The following TRIM50 variants were observed in gnomAD, a reference collection of about 807,000 sequenced individuals.
The protein encoded by TRIM50 is E3 ubiquitin-protein ligase TRIM50.
Under a neutral mutation model 44.9 loss-of-function variants are expected in TRIM50, and 34 were observed. That is an observed-to-expected ratio of 0.76 (90% confidence interval 0.58 to 1.01). The LOEUF is 1.01. TRIM50 is among the 50% of genes least tolerant of loss of function. The pLI is 0.00. For missense variants in TRIM50, 633 were observed against 663.7 expected (o/e 0.95, Z 0.51); for synonymous variants, 307 against 291.1 (o/e 1.05, Z -0.56).
intron 5 of TRIM50, 191 bp from the exon 6 acceptor site, chr7:73,316,880 G>A (rs1276453288): frequency 1.3e-5 from 10 of 797,186 alleles, no homozygotes; most frequent in African/African-American, 7.0e-5. Context: ...AAGGGGAAAC[G>A]CTCTATAGTG....
intron 6 of TRIM50, chr7:73,314,130 G>A (rs6949855): frequency 0.12 from 40,534 of 337,266 alleles, 2,749 homozygotes; most frequent in Middle Eastern, 0.14. Context: ...AGAAGGCCAA[G>A]GGGAAGAAGG....
Position 73,327,915 on chromosome 7 carries a change from T to G in TRIM50, c.-34A>C, listed in dbSNP as rs1473532295. ...CGTTACGTACCCAGCCTCCGGCCCC[T>G]GTAAGTGCCCCATCGTGCTCTCTGT... On this transcript the variant is annotated 5_prime_UTR_variant, in exon 1 of 7. Transcript: ENST00000333149. 2 of 457,576 alleles carry G rather than the reference T, an allele frequency of 4.4e-6. No homozygotes were observed. Among genetic ancestry groups the G allele is most frequent in the Non-Finnish European group, 8.0e-6 (2 of 249,334 alleles). The allele number at this position is 457,576 out of a possible 1,614,324, so 28.3% of individuals were successfully genotyped here. A position where few individuals can be genotyped will look rare whatever the true frequency, so the allele number is the denominator to read the frequency against.
Position 73,318,993 on chromosome 7 carries a change from C to G in TRIM50, c.555G>C (p.Leu185=), listed in dbSNP as rs1554544621. 1 of 1,614,038 alleles carries G rather than the reference C, an allele frequency of 6.2e-7. No homozygotes were observed. The highest frequency in any genetic ancestry group is 8.5e-7 in the Non-Finnish European group (1 of 1,179,864). Residue 185 remains leucine (L), a synonymous_variant, in exon 4 of 7, where the codon CTG becomes CTC. Transcript: ENST00000333149. ...GGCAGCGGGCCTTCTCCTCATCCAC[C>G]AGGTGGTGCAGCTCCTGGAACTCGC... ...IRREFQELHH[L]VDEEKARCLE...
chr7:73,318,583 C>T, intron 5 of TRIM50, 104 bp downstream of exon 5: 1 of 1,608,278 alleles, frequency 6.2e-7, no homozygotes, highest in South Asian at 1.1e-5. Flanking sequence ...CTGTGGGCAG[C>T]TGCTTGGGAG....
chr7:73,321,150 A>C (rs1410633719), intron 2 of TRIM50, among the ~76,000 whole-genome samples: 14 of 152,166 alleles, frequency 9.2e-5, no homozygotes, highest in African/African-American at 3.4e-4. Context: ...TGGGCAACAC[A>C]GTGAGATCCC....
Position 73,313,613 on chromosome 7 carries a change from T to C in TRIM50, c.875-103A>G. On this transcript the variant is annotated intron_variant, in intron 6 of 6. Coordinates refer to ENST00000333149, the MANE Select transcript of TRIM50 (RefSeq NM_178125.3). The surrounding 1 kb of genome is among the most constrained non-coding windows in gnomAD (Gnocchi z 4.9). ...CTGAACTCCCCAAGGAGAGGGGCTGTGTCTTCCTCATCTCTCTAGCCCCAG... is the reference window on the plus strand; with the variant it reads ...CTGAACTCCCCAAGGAGAGGGGCTGCGTCTTCCTCATCTCTCTAGCCCCAG... 2 of 985,560 alleles carry C rather than the reference T, an allele frequency of 2.0e-6. No homozygotes were observed. The highest frequency in any genetic ancestry group is 2.9e-6 in the Non-Finnish European group (2 of 689,020). 61.1% of individuals were successfully genotyped at this position (985,560 alleles called of 1,614,324 possible). A position where few individuals can be genotyped will look rare whatever the true frequency, so the allele number is the denominator to read the frequency against.
chr7:73,317,265 G>C (rs1213700395), intron 5 of TRIM50, among the ~76,000 whole-genome samples: 1 of 151,312 alleles, frequency 6.6e-6, no homozygotes, highest in Non-Finnish European at 1.5e-5. Context: ...TGTTGCCCAG[G>C]CTGGTCTTGA....
chr7:73,318,477 C>G (rs1287084800), intron 5 of TRIM50, among the ~76,000 whole-genome samples: 1 of 152,118 alleles, frequency 6.6e-6, no homozygotes, highest in Non-Finnish European at 1.5e-5. Context: ...TCTAGGTACC[C>G]ACAGTTCACC....
chr7:73,313,170 C>T lies in TRIM50; in HGVS notation c.1215G>A (p.Leu405=), dbSNP rs782051680. ...YEAFACPRVP[L]PVAGHPHRIG... ...TGCGGTGGGGGTGGCCGGCCACGGG[C>T]AGGGGTACCCGGGGGCAGGCAAAGG... The change falls in exon 7 of 7, where the codon CTG becomes CTA. Residue 405 remains leucine (L), a synonymous_variant. Transcript: ENST00000333149. This position sits in a 1 kb window ranked among gnomAD's most constrained non-coding sequence, Gnocchi z 4.9. 1.7e-4 allele frequency: 273 copies of T among 1,588,548 alleles called. 1 individual carries two copies. The highest frequency in any genetic ancestry group is 8.3e-4 in the Middle Eastern group (5 of 6,018).
intron 2 of TRIM50, 71 bp downstream of exon 2, chr7:73,324,318 G>A: frequency 6.2e-7 from 1 of 1,606,150 alleles, no homozygotes; most frequent in East Asian, 2.2e-5. Flanking sequence ...GGTGCCAGGT[G>A]ATGGCACCAG....
chr7:73,321,810 C>T (rs529221830), intron 2 of TRIM50: 10 of 152,280 alleles, frequency 6.6e-5, no homozygotes, highest in Middle Eastern at 3.4e-3. Context: ...CTCTGGAGAA[C>T]GAGGCATCAG....
intron 6 of TRIM50, 112 bp downstream of exon 6, chr7:73,316,453 C>CA: frequency 6.9e-7 from 1 of 1,451,122 alleles, no homozygotes. Flanking sequence ...TAGGACCCTC[C>CA]ACAAACCTCC....
At chr7:73,324,325 C>A in intron 2 of TRIM50, 64 bp downstream of exon 2, 3 of 1,611,160 alleles carry the variant, frequency 1.9e-6, no homozygotes, top group South Asian at 1.1e-5. Context: ...GGTGATGGCA[C>A]CAGAGAGCAC....
rs1554543083 is a variant in TRIM50 at position 73,312,721 on chromosome 7, C to T, written c.*200G>A. 1.1e-5 allele frequency: 6 copies of T among 556,008 alleles called. No homozygotes were observed. The highest frequency in any genetic ancestry group is 3.4e-5 in the Admixed American group (1 of 29,008). 34.4% of individuals were successfully genotyped at this position (556,008 alleles called of 1,614,324 possible). A position where few individuals can be genotyped will look rare whatever the true frequency, so the allele number is the denominator to read the frequency against. ...TCCCTGGCTGCCAAGGCCTGGGGGC[C>T]GAAGTTTACAAATACACCCTTGGCT... is the stretch of plus-strand genomic sequence containing the variant. On this transcript the variant is annotated 3_prime_UTR_variant, in exon 7 of 7. Coordinates refer to ENST00000333149, the MANE Select transcript of TRIM50 (RefSeq NM_178125.3).
rs1254283260 is a variant in TRIM50 at position 73,318,701 on chromosome 7, G to C, written c.735C>G (p.His245Gln). ...EDHHKFIRKF[H>Q]SMASRAEMPQ... ...AAGGTTATTACCTGGAGGCCATGGA[G>C]TGGAACTTCTGGAAGGCAAGAGAGA... Residue 245 changes from histidine to glutamine, a missense_variant, in exon 5 of 7, where the codon CAC becomes CAG. Physicochemically the swap from His to Gln is conservative, Grantham distance 24. Transcript: ENST00000333149. The C allele has an allele frequency of 6.2e-7, 1 of 1,613,944 alleles. No individual in the cohort carries two copies. Among genetic ancestry groups the C allele is most frequent in the Non-Finnish European group, 8.5e-7 (1 of 1,179,874 alleles).
intron 1 of TRIM50, among the ~76,000 whole-genome samples, chr7:73,326,134 C>G (rs1804618117): frequency 1.3e-5 from 2 of 152,240 alleles, no homozygotes; most frequent in Non-Finnish European, 2.9e-5. Flanking sequence ...AAGCAATCCT[C>G]CCACCTTGGC....
At chr7:73,323,561 T>C (rs1213837958) in intron 2 of TRIM50, among the ~76,000 whole-genome samples, 1 of 152,232 alleles carries the variant, frequency 6.6e-6, no homozygotes, top group African/African-American at 2.4e-5. Context: ...CAGGTATTAT[T>C]ATTACTCGTC....
chr7:73,326,498 C>T (rs1804631108), intron 1 of TRIM50, among the ~76,000 whole-genome samples: 1 of 151,484 alleles, frequency 6.6e-6, no homozygotes, highest in African/African-American at 2.4e-5. Context: ...AAATCTTAAC[C>T]ACACAGCTTG....
intron 6 of TRIM50, chr7:73,315,115 C>T (rs1479838167): frequency 1.4e-4 from 39 of 285,110 alleles, no homozygotes; most frequent in African/African-American, 6.5e-4. Context: ...TGATGAGATC[C>T]GCCATCACTG....
Sources: allele counts gnomAD v4.1 joint callset (sites outside exome capture counted in the v4.1 genomes callset), GRCh38; gene constraint gnomAD v4.1.1; non-coding constraint Gnocchi (gnomAD v3.1); transcripts MANE v1.5; gene names NCBI Gene and HGNC (gene_info 2026-07-23, HGNC 2026-07-21).